Variants in EBF2 observed in about 807,000 individuals in gnomAD.
EBF2 encodes the protein EBF transcription factor 2.
A neutral mutation model predicts 72.8 loss-of-function variants in EBF2; 21 were observed. The observed-to-expected ratio is 0.29, with a 90% CI of 0.20 to 0.42. The LOEUF (loss-of-function observed/expected upper bound fraction) is 0.42. EBF2 is among the 10% of genes least tolerant of loss of function. EBF2 has a pLI of 1.00. For missense variants in EBF2, 637 were observed against 731.2 expected (o/e 0.87, Z 1.49); for synonymous variants, 299 against 274.2 (o/e 1.09, Z -0.89).
At chr8:26,009,146 G>A (rs567802717) in intron 6 of EBF2, among the ~76,000 whole-genome samples, 20 of 139,440 alleles carry the variant, frequency 1.4e-4, no homozygotes, top group African/African-American at 4.7e-4. Flanking sequence ...ATGGGAGTGG[G>A]TGTTTGAGTT....
chr8:26,002,230 C>A (rs529011648), intron 6 of EBF2, among the ~76,000 whole-genome samples: 1 of 152,240 alleles, frequency 6.6e-6, no homozygotes, highest in Non-Finnish European at 1.5e-5. Flanking sequence ...ATGAAGTCTG[C>A]TGGTGGGGTG....
At position 25,886,787 on chromosome 8, in the gene EBF2, C is replaced by A. The variant is rs758458636; in HGVS notation, c.977G>T (p.Cys326Phe). The A allele has an allele frequency of 2.5e-6, 4 of 1,611,634 alleles. No homozygotes were observed. The highest frequency in any genetic ancestry group is 3.4e-6 in the Non-Finnish European group (4 of 1,178,776). Residue 326 changes from cysteine (C) to phenylalanine (F), a missense_variant, in exon 10 of 16, where the codon TGC (cysteine) becomes TTC (phenylalanine). Physicochemically the swap from Cys to Phe is radical, Grantham distance 205. Coordinates refer to ENST00000520164, the MANE Select transcript of EBF2 (RefSeq NM_022659.4). Reference sequence around the variant, plus strand: ...AATGAACCTTCCTGGGGCTCCTTTGCAGAACTGTTTAGATTTATAAGATAA... The same window carrying A: ...AATGAACCTTCCTGGGGCTCCTTTGAAGAACTGTTTAGATTTATAAGATAA... ...VTLSYKSKQF[C>F]KGAPGRFIYT...
intron 6 of EBF2, among the ~76,000 whole-genome samples, chr8:25,920,451 C>A (rs1200662986): frequency 2.6e-5 from 4 of 152,194 alleles, no homozygotes; most frequent in Admixed American, 6.5e-5. Flanking sequence ...GCAAGTCCCA[C>A]CTATTGACAG....
chr8:25,854,534 C>T (rs776278005), intron 14 of EBF2, among the ~76,000 whole-genome samples: 4 of 152,170 alleles, frequency 2.6e-5, no homozygotes, highest in Non-Finnish European at 5.9e-5. Flanking sequence ...GACTGAAAGG[C>T]TATCCTTTAA....
chr8:26,034,142 C>A (rs1048439437), intron 5 of EBF2, among the ~76,000 whole-genome samples: 2 of 152,204 alleles, frequency 1.3e-5, no homozygotes, highest in Non-Finnish European at 1.5e-5. Context: ...TACATAACAT[C>A]TTTCTCCAGA....
At chr8:25,939,256 G>C (rs1803630229) in intron 6 of EBF2, among the ~76,000 whole-genome samples, 1 of 152,196 alleles carries the variant, frequency 6.6e-6, no homozygotes, top group East Asian at 1.9e-4. Flanking sequence ...TTAAAACTTA[G>C]AGATATTTCT....
intron 6 of EBF2, among the ~76,000 whole-genome samples, chr8:25,952,641 C>G (rs181036892): frequency 9.2e-5 from 14 of 152,266 alleles, no homozygotes; most frequent in Admixed American, 7.2e-4. Flanking sequence ...TAATCTCCCC[C>G]CTACACTTCA....
chr8:25,912,184 G>A (rs989559490), intron 6 of EBF2, among the ~76,000 whole-genome samples: 2 of 152,020 alleles, frequency 1.3e-5, no homozygotes, highest in Non-Finnish European at 2.9e-5. Context: ...ATCATCCTAC[G>A]GCTGGGAAAA....
At chr8:25,932,838 T>G (rs1803507141) in intron 6 of EBF2, among the ~76,000 whole-genome samples, 1 of 152,080 alleles carries the variant, frequency 6.6e-6, no homozygotes, top group East Asian at 1.9e-4. Flanking sequence ...ACTGGCAAAA[T>G]TGATAATAAA....
chr8:26,021,296 G>A (rs919720689), intron 6 of EBF2, among the ~76,000 whole-genome samples: 3 of 152,330 alleles, frequency 2.0e-5, no homozygotes, highest in Admixed American at 6.5e-5. Flanking sequence ...AATGCTTTCT[G>A]CTCACCTGTC....
chr8:25,926,735 C>A (rs934476127), intron 6 of EBF2, among the ~76,000 whole-genome samples: 1 of 152,188 alleles, frequency 6.6e-6, no homozygotes. Flanking sequence ...GATTTTACTA[C>A]CATTCAACAC....
rs577823064 is a variant in EBF2, at chr8:25,850,169, A to G, written c.1696+425T>C. On this transcript the variant is annotated intron_variant, in intron 15 of 15. Coordinates refer to ENST00000520164, the MANE Select transcript of EBF2 (RefSeq NM_022659.4). ...CTCTTGTTGCCCAGGCTGGAGTGCAATGGCGCGATCTCAGCTTACTGCAAC... is the reference window on the plus strand; with the variant it reads ...CTCTTGTTGCCCAGGCTGGAGTGCAGTGGCGCGATCTCAGCTTACTGCAAC... Among the ~76,000 whole-genome samples, 7 of 152,220 alleles carry G rather than the reference A, an allele frequency of 4.6e-5. No individual in the cohort carries two copies. The South Asian group carries it at 6.2e-4, about 14-fold the overall frequency.
At chr8:25,902,529 TTAA>T (rs1802972797) in intron 7 of EBF2, among the ~76,000 whole-genome samples, 1 of 151,950 alleles carries the variant, frequency 6.6e-6, no homozygotes. Flanking sequence ...ATCAATTATT[TTAA>T]TAATTAATCT....
In EBF2 at chr8:26,042,312, C is replaced by T. The variant is rs925268326; in HGVS notation, c.132-61G>A. 3 of 1,552,382 alleles carry T rather than the reference C, an allele frequency of 1.9e-6. No individual in the cohort carries two copies. The African/African-American group carries it at 4.1e-5, about 21-fold the overall frequency. Reference sequence around the variant, plus strand: ...GGGGAAGCACAAAAAGGCGATGTTACTAACCGCCCACAACACTGCAGAGGG... The same window carrying T: ...GGGGAAGCACAAAAAGGCGATGTTATTAACCGCCCACAACACTGCAGAGGG... On this transcript the variant is annotated intron_variant, in intron 1 of 15. Transcript: ENST00000520164.
At chr8:25,911,388 C>T (rs1803127354) in intron 6 of EBF2, among the ~76,000 whole-genome samples, 1 of 152,206 alleles carries the variant, frequency 6.6e-6, no homozygotes, top group Admixed American at 6.5e-5. Context: ...CACTAACAAT[C>T]ACAGGTTTAT....
In EBF2 at chr8:25,850,777, A is replaced by G. The variant is rs753757225; in HGVS notation, c.1529-16T>C. 9 of 1,550,426 alleles carry G rather than the reference A, an allele frequency of 5.8e-6. No homozygotes were observed. In the Middle Eastern group the frequency reaches 6.8e-4, roughly 117 times the overall value. On this transcript the variant is annotated splice_polypyrimidine_tract_variant and intron_variant, in intron 14 of 15. Transcript: ENST00000520164. The stretch of plus-strand genomic sequence containing the variant: ...GATGACATGACTGGAAAGCAAATGC[A>G]CAATCCTCATTTAGAAATTAAGATC...
chr8:25,948,804 T>C (rs541091421), intron 6 of EBF2, among the ~76,000 whole-genome samples: 5 of 152,346 alleles, frequency 3.3e-5, no homozygotes, highest in Admixed American at 3.3e-4. Flanking sequence ...CACAGTCTAA[T>C]CCTACGTTGA....
intron 6 of EBF2, among the ~76,000 whole-genome samples, chr8:25,980,775 G>A (rs1231248566): frequency 5.4e-5 from 7 of 130,026 alleles, no homozygotes; most frequent in Admixed American, 9.1e-5. Flanking sequence ...TAATGACACT[G>A]GGAGGCCACC....
intron 11 of EBF2, among the ~76,000 whole-genome samples, chr8:25,861,606 TG>T (rs1235333589): frequency 6.8e-6 from 1 of 147,048 alleles, no homozygotes; most frequent in African/African-American, 2.6e-5. Flanking sequence ...TAAATGATTG[TG>T]TTACCAAAAC....
Sources: allele counts gnomAD v4.1 joint callset (sites outside exome capture counted in the v4.1 genomes callset), GRCh38; gene constraint gnomAD v4.1.1; transcripts MANE v1.5; gene names NCBI Gene and HGNC (gene_info 2026-07-23, HGNC 2026-07-21).